CFAP54: variants seen among roughly 807,000 people sequenced by gnomAD.
The protein encoded by CFAP54 is cilia- and flagella-associated protein 54.
A neutral mutation model predicts 370.4 loss-of-function variants in CFAP54; 290 were observed. That is an observed-to-expected ratio of 0.78 (90% CI 0.71 to 0.86). CFAP54 has a LOEUF of 0.86. Among genes scored for constraint, CFAP54 ranks in the 40% least tolerant of loss-of-function variants. CFAP54 has a pLI of 0.00. For missense variants in CFAP54, 3,399 were observed against 3,528.7 expected, an observed-to-expected ratio of 0.96 and a Z score of 0.93; for synonymous variants, 1,206 against 1,236.5, an observed-to-expected ratio of 0.98 and a Z score of 0.52.
intron 38 of CFAP54, among the ~76,000 whole-genome samples, chr12:96,658,929 T>C (rs551501074): frequency 2.4e-4 from 36 of 152,328 alleles, no homozygotes; most frequent in Non-Finnish European, 3.7e-4. Context: ...TGTCTCCCAC[T>C]GTGCCCTCAC....
chr12:96,503,647 G>A (rs909714208), intron 2 of CFAP54, among the ~76,000 whole-genome samples: 3 of 152,046 alleles, frequency 2.0e-5, no homozygotes, highest in Non-Finnish European at 4.4e-5. Flanking sequence ...TCTCATCCTT[G>A]TGGTCATGAT....
At chr12:96,674,378 TA>T (rs1252075003) in intron 39 of CFAP54, among the ~76,000 whole-genome samples, 1 of 150,844 alleles carries the variant, frequency 6.6e-6, no homozygotes, top group Non-Finnish European at 1.5e-5. Context: ...TCTTCTTTCT[TA>T]CCTATTTCAA....
At chr12:96,863,519 T>C (rs1389011635) in intron 67 of CFAP54, among the ~76,000 whole-genome samples, 1 of 152,164 alleles carries the variant, frequency 6.6e-6, no homozygotes, top group African/African-American at 2.4e-5. Flanking sequence ...GAATCTGAGC[T>C]CTTCATCGCT....
chr12:96,567,323 T>G (rs1955873486), intron 19 of CFAP54, among the ~76,000 whole-genome samples: 1 of 152,126 alleles, frequency 6.6e-6, no homozygotes, highest in African/African-American at 2.4e-5. Context: ...GATGTGTTCA[T>G]AAGAAGTATT....
chr12:96,545,753 C>T (rs141280640), intron 14 of CFAP54, among the ~76,000 whole-genome samples: 178 of 152,158 alleles, frequency 1.2e-3, no homozygotes, highest in African/African-American at 2.2e-3. Flanking sequence ...TTTGTCCAAT[C>T]GCATTTCTGC....
intron 5 of CFAP54, among the ~76,000 whole-genome samples, chr12:96,517,906 T>C (rs1955255950): frequency 6.6e-6 from 1 of 152,170 alleles, no homozygotes; most frequent in Non-Finnish European, 1.5e-5. Flanking sequence ...ACATAAATGT[T>C]TTTAGATTTC....
chr12:96,647,877 T>C lies in CFAP54; in HGVS notation c.4550T>C (p.Phe1517Ser). 6.7e-7 allele frequency: 1 copy of C among 1,501,358 alleles called. No individual in the cohort carries two copies. Among genetic ancestry groups the C allele is most frequent in the Non-Finnish European group, 8.8e-7 (1 of 1,135,314 alleles). 93.0% of individuals were successfully genotyped at this position (1,501,358 alleles called of 1,614,324 possible). ...ATATGATTTTTCCCCCCTTGCAGTT[T>C]CCGATCATGTGATCCTAACATGTTT... is the stretch of plus-strand genomic sequence containing the variant. ...KFGTSHMMVS[F>S]RSCDPNMFSL... Residue 1517 changes from phenylalanine to serine, a missense_variant and splice_region_variant, in exon 34 of 68, where the codon TTC becomes TCC. By Grantham distance (155) the Phe-to-Ser change is radical (BLOSUM62 -2). Transcript: ENST00000524981.
intron 5 of CFAP54, among the ~76,000 whole-genome samples, chr12:96,515,703 AG>A (rs1955222696): frequency 6.6e-6 from 1 of 152,080 alleles, no homozygotes; most frequent in Non-Finnish European, 1.5e-5. Flanking sequence ...TATAGGATCT[AG>A]GCATGATGGC....
At chr12:96,723,478 G>A (rs1712549117) in intron 50 of CFAP54, among the ~76,000 whole-genome samples, 1 of 152,114 alleles carries the variant, frequency 6.6e-6, no homozygotes, top group African/African-American at 2.4e-5. Context: ...GTGACCAACT[G>A]TGCCACAAGC....
At chr12:96,717,335 A>G (rs995791775) in intron 48 of CFAP54, among the ~76,000 whole-genome samples, 1 of 152,040 alleles carries the variant, frequency 6.6e-6, no homozygotes, top group African/African-American at 2.4e-5. Context: ...GCCCTCCCTC[A>G]TCCTCAGCTG....
chr12:96,792,190 C>T lies in CFAP54; in HGVS notation c.8680-139C>T, dbSNP rs1034865512. ...TAGGAGAATCTTCTCTGTAGTAAGC[C>T]AGGGTTAGTTTTAAGATTTACCTCC... On this transcript the variant is annotated intron_variant, in intron 62 of 67. Transcript: ENST00000524981. 91 of 705,932 alleles carry T rather than the reference C, an allele frequency of 1.3e-4. No homozygotes were observed. The African/African-American group carries it at 1.4e-3, about 11-fold the overall frequency. The allele number at this position is 705,932 out of a possible 1,614,324, so 43.7% of individuals were successfully genotyped here. A position where few individuals can be genotyped will look rare whatever the true frequency, so the allele number is the denominator to read the frequency against.
intron 45 of CFAP54, among the ~76,000 whole-genome samples, chr12:96,695,053 C>T (rs958792392): frequency 6.6e-6 from 1 of 151,962 alleles, no homozygotes; most frequent in African/African-American, 2.4e-5. Flanking sequence ...AACAAAAAAA[C>T]ACCTCAAAAG....
intron 66 of CFAP54, among the ~76,000 whole-genome samples, chr12:96,857,897 A>G (rs772236625): frequency 6.6e-6 from 1 of 152,210 alleles, no homozygotes; most frequent in Non-Finnish European, 1.5e-5. Context: ...GCAGGTCTTT[A>G]TAGCTGTATG....
At chr12:96,625,675 G>T in intron 28 of CFAP54, 43 bp from the exon 29 acceptor site, 1 of 1,275,200 alleles carries the variant, frequency 7.8e-7, no homozygotes, top group Non-Finnish European at 1.1e-6. Context: ...TGTATTTTGC[G>T]TTACTAAACA....
intron 50 of CFAP54, among the ~76,000 whole-genome samples, chr12:96,728,282 G>A (rs1366953176): frequency 6.6e-6 from 1 of 152,152 alleles, no homozygotes; most frequent in Non-Finnish European, 1.5e-5. Context: ...TTTCCAACTT[G>A]GTTCCATTCT....
At chr12:96,732,430 C>T (rs144202133) in intron 50 of CFAP54, among the ~76,000 whole-genome samples, 2,512 of 152,186 alleles carry the variant, frequency 0.017, 67 homozygotes, top group African/African-American at 0.056. Flanking sequence ...CCATGCCTGG[C>T]CACTTGGTAG....
chr12:96,645,699 A>C (rs1401119872), intron 33 of CFAP54: 4 of 152,836 alleles, frequency 2.6e-5, no homozygotes, highest in Non-Finnish European at 5.8e-5. Context: ...ACTTCAAACT[A>C]TACTACAAGG....
At chr12:96,660,693 C>T (rs1956984422) in intron 38 of CFAP54, among the ~76,000 whole-genome samples, 2 of 152,172 alleles carry the variant, frequency 1.3e-5, no homozygotes, top group African/African-American at 4.8e-5. Flanking sequence ...CAGTGGACAC[C>T]AGCTAGGTGT....
At chr12:96,509,478 C>G (rs1430775512) in intron 4 of CFAP54, among the ~76,000 whole-genome samples, 2 of 152,276 alleles carry the variant, frequency 1.3e-5, no homozygotes, top group East Asian at 3.9e-4. Flanking sequence ...GTTATACATA[C>G]ACACTCTTGG....
Sources: gnomAD v4.1 joint callset for allele counts (sites outside exome capture counted in the v4.1 genomes callset) on GRCh38, gnomAD v4.1.1 for gene constraint, MANE v1.5 for transcripts, NCBI Gene and HGNC (gene_info 2026-07-23, HGNC 2026-07-21) for gene names.